Variants in SOX5 observed in about 807,000 individuals in gnomAD.
SOX5 encodes transcription factor SOX-5.
Under a neutral mutation model 92.0 loss-of-function variants are expected in SOX5, and 9 were observed. The observed-to-expected ratio is 0.10, with a 90% confidence interval of 0.06 to 0.17. The LOEUF (loss-of-function observed/expected upper bound fraction) is 0.17. Ranked by LOEUF, SOX5 falls within the 10% of genes least tolerant of loss-of-function variation. The pLI, the probability that SOX5 is intolerant of heterozygous loss-of-function variation, is 1.00. For synonymous variants in SOX5, 344 were observed against 336.3 expected (o/e 1.02, Z -0.25); for missense variants, 642 against 944.5 (o/e 0.68, Z 4.20).
chr12:24,253,749 C>T (rs556177661), intron 3 of SOX5, among the ~76,000 whole-genome samples: 6 of 152,200 alleles, frequency 3.9e-5, no homozygotes, highest in African/African-American at 1.4e-4. Flanking sequence ...CCCAAATTTC[C>T]TGTGAAAGGA....
At chr12:24,436,218 G>GCAAC in intron 1 of SOX5, among the ~76,000 whole-genome samples, 1 of 152,254 alleles carries the variant, frequency 6.6e-6, no homozygotes, top group South Asian at 2.1e-4. Context: ...CAACGATTCC[G>GCAAC]GATAGTGAGG....
chr12:23,734,638 T>A, intron 6 of SOX5, 46 bp downstream of exon 6: 1 of 1,367,242 alleles, frequency 7.3e-7, no homozygotes, highest in Non-Finnish European at 1.0e-6. Context: ...AGAAACAGAA[T>A]ATATATTTTT....
chr12:24,072,916 T>C (rs1053836888), intron 4 of SOX5, among the ~76,000 whole-genome samples: 7 of 152,206 alleles, frequency 4.6e-5, no homozygotes, highest in Non-Finnish European at 1.0e-4. Context: ...AAAGAAAACA[T>C]AGATAAGTCA....
intron 1 of SOX5, among the ~76,000 whole-genome samples, chr12:24,520,731 T>C (rs528043916): frequency 6.6e-6 from 1 of 152,258 alleles, no homozygotes; most frequent in East Asian, 1.9e-4. Context: ...TCCAGTGATA[T>C]ACTCTTTACA....
At chr12:23,894,212 G>A (rs1284018173) in intron 2 of SOX5, among the ~76,000 whole-genome samples, 3 of 151,608 alleles carry the variant, frequency 2.0e-5, no homozygotes, top group Non-Finnish European at 4.4e-5. Context: ...ATATGAGTTA[G>A]CTAAAACATT....
At chr12:23,813,967 C>G (rs963978385) in intron 3 of SOX5, among the ~76,000 whole-genome samples, 1 of 151,864 alleles carries the variant, frequency 6.6e-6, no homozygotes, top group Admixed American at 6.6e-5. Context: ...CAATGTGAAT[C>G]TTGACATATA....
At chr12:23,534,770 C>T (rs539805796) in intron 14 of SOX5, among the ~76,000 whole-genome samples, 178 of 144,230 alleles carry the variant, frequency 1.2e-3, no homozygotes, top group Admixed American at 2.0e-3. Context: ...AGTGCAATGG[C>T]GTGATCTTGC....
chr12:23,880,569 C>G (rs1040180576), intron 2 of SOX5, among the ~76,000 whole-genome samples: 2 of 152,176 alleles, frequency 1.3e-5, no homozygotes, highest in Non-Finnish European at 2.9e-5. Flanking sequence ...TCTTTTCTCT[C>G]TCATTCTCCC....
At chr12:23,690,076 G>C (rs1238123504) in intron 6 of SOX5, among the ~76,000 whole-genome samples, 4 of 152,136 alleles carry the variant, frequency 2.6e-5, no homozygotes, top group African/African-American at 9.7e-5. Flanking sequence ...CATCAATAGA[G>C]TAATTTCACT....
chr12:24,131,627 A>G (rs141777684), intron 4 of SOX5, among the ~76,000 whole-genome samples: 1 of 152,348 alleles, frequency 6.6e-6, no homozygotes, highest in African/African-American at 2.4e-5. Context: ...GAATATGCAG[A>G]AGATGAAAAT....
intron 8 of SOX5, among the ~76,000 whole-genome samples, chr12:23,626,690 T>TA (rs1555212780): frequency 6.9e-6 from 1 of 145,058 alleles, no homozygotes; most frequent in African/African-American, 2.5e-5. Flanking sequence ...TTTTTTTTTT[T>TA]ATCTTATCCC....
chr12:23,970,114 T>A (rs1230326925), intron 4 of SOX5, among the ~76,000 whole-genome samples: 1 of 152,184 alleles, frequency 6.6e-6, no homozygotes, highest in African/African-American at 2.4e-5. Flanking sequence ...AATAATATTC[T>A]ATTTTACTCT....
intron 4 of SOX5, among the ~76,000 whole-genome samples, chr12:24,165,693 A>C (rs186225827): frequency 1.1e-4 from 17 of 152,178 alleles, no homozygotes; most frequent in African/African-American, 3.1e-4. Flanking sequence ...ATACATAGGA[A>C]AAGATGTGTA....
At chr12:24,445,690 T>C (rs1349025444) in intron 1 of SOX5, among the ~76,000 whole-genome samples, 1 of 152,176 alleles carries the variant, frequency 6.6e-6, no homozygotes, top group Non-Finnish European at 1.5e-5. Context: ...GCTATCTTAA[T>C]TGATATTAGT....
intron 11 of SOX5, among the ~76,000 whole-genome samples, chr12:23,556,788 G>T (rs762857531): frequency 1.2e-4 from 19 of 152,136 alleles, no homozygotes; most frequent in Non-Finnish European, 2.6e-4. Context: ...AGCAAAACCT[G>T]TAATTCACAA....
At chr12:23,657,067 A>C (rs986527446) in intron 7 of SOX5, among the ~76,000 whole-genome samples, 13 of 152,068 alleles carry the variant, frequency 8.5e-5, no homozygotes, top group African/African-American at 2.7e-4. Flanking sequence ...TTATTAGGGA[A>C]ATAGTACTGT....
At chr12:24,277,401 G>A (rs943613403) in intron 2 of SOX5, 1 of 80,770 alleles carries the variant, frequency 1.2e-5, no homozygotes, top group Non-Finnish European at 3.2e-5. Flanking sequence ...AATGTGTAAG[G>A]TTTTCAAAAG....
intron 1 of SOX5, among the ~76,000 whole-genome samples, chr12:23,914,737 C>A (rs2097394895): frequency 1.3e-5 from 2 of 152,004 alleles, no homozygotes; most frequent in Non-Finnish European, 2.9e-5. Flanking sequence ...TCATTTTTAT[C>A]TTCTTCCAAA....
At chr12:23,987,696 G>A (rs1472079445) in intron 4 of SOX5, among the ~76,000 whole-genome samples, 1 of 152,180 alleles carries the variant, frequency 6.6e-6, no homozygotes, top group Non-Finnish European at 1.5e-5. Context: ...GGGAGGCTTA[G>A]GCTTGAGGAT....
Sources: allele counts gnomAD v4.1 joint callset (sites outside exome capture counted in the v4.1 genomes callset), GRCh38; gene constraint gnomAD v4.1.1; transcripts MANE v1.5; gene names NCBI Gene and HGNC (gene_info 2026-07-23, HGNC 2026-07-21).